PDGFRB: variants seen among roughly 807,000 people sequenced by gnomAD.
The protein encoded by PDGFRB is platelet derived growth factor receptor beta.
Under a neutral mutation model 120.2 loss-of-function variants are expected in PDGFRB, and 42 were observed. The observed-to-expected ratio is 0.35, with a 90% CI of 0.27 to 0.45. The LOEUF (loss-of-function observed/expected upper bound fraction) is 0.45, where lower values mean the gene tolerates loss of function less well. Among genes scored for constraint, PDGFRB ranks in the 20% least tolerant of loss-of-function variants. The pLI, the probability that PDGFRB is intolerant of heterozygous loss-of-function variation, is 1.00. For synonymous variants in PDGFRB, 586 were observed against 606.8 expected, an observed-to-expected ratio of 0.97 and a Z score of 0.50; for missense variants, 1,149 against 1,476.3, an observed-to-expected ratio of 0.78 and a Z score of 3.63.
chr5:150,124,601 C>A, intron 13 of PDGFRB, 126 bp downstream of exon 13: 1 of 625,940 alleles, frequency 1.6e-6, no homozygotes, highest in Non-Finnish European at 2.9e-6. Flanking sequence ...GCAGTGCCTG[C>A]TGCAGTGTGA....
rs770198508 is a variant in PDGFRB at position 150,134,705 on chromosome 5, G to A, written c.631+45C>T. 6.4e-6 allele frequency: 10 copies of A among 1,559,368 alleles called. No homozygotes were observed. The Admixed American group carries it at 1.1e-4, about 17-fold the overall frequency. ...GTAAAGGGCTATTCCTCTGTGGAGG[G>A]TTATACTTGCCTCTGCTGAGCATCA... On this transcript the variant is annotated intron_variant, in intron 4 of 22. Coordinates refer to ENST00000261799, the MANE Select transcript of PDGFRB (RefSeq NM_002609.4).
chr5:150,141,188 C>T (rs151025079), intron 1 of PDGFRB, among the ~76,000 whole-genome samples: 8 of 152,360 alleles, frequency 5.3e-5, no homozygotes, highest in Middle Eastern at 3.4e-3. Context: ...AACACATGTG[C>T]GCAGCTCCCA....
In PDGFRB at chr5:150,115,838, C is replaced by T. The variant is rs762120386; in HGVS notation, c.3246G>A (p.Pro1082=). ...PEPQLELQVE[P]EPELEQLPDS... The stretch of plus-strand genomic sequence containing the variant: ...CCGGCAACTGTTCCAGCTCTGGCTC[C>T]GGCTCCACCTGGAGCTCAAGCTGGG... The change falls in exon 23 of 23, where the codon CCG becomes CCA. Residue 1082 remains proline, a synonymous_variant. Transcript: ENST00000261799. 3.6e-5 allele frequency: 58 copies of T among 1,612,794 alleles called. No homozygotes were observed. The highest frequency in any genetic ancestry group is 2.0e-4 in the African/African-American group (15 of 74,878).
chr5:150,133,856 C>T (rs376507507), intron 5 of PDGFRB, 25 bp downstream of exon 5: 132 of 1,613,794 alleles, frequency 8.2e-5, no homozygotes, highest in African/African-American at 3.7e-4. Flanking sequence ...GCCCCTCCTC[C>T]GACCCCTGCC....
chr5:150,134,787 C>A lies in PDGFRB; in HGVS notation c.594G>T (p.Glu198Asp), dbSNP rs2113910593. Residue 198 changes from glutamate to aspartate, a missense_variant, in exon 4 of 23, where the codon GAG (glutamate) becomes GAT (aspartate). By Grantham distance (45) the Glu-to-Asp change is conservative (BLOSUM62 2). Transcript: ENST00000261799. ...YICKTTIGDR[E>D]VDSDAYYVYR... is the part of the protein sequence containing the mutation. ...AGACATAGTAGGCATCAGAATCCAC[C>A]TCCCTGTCCCCAATGGTGGTTTTGC... 6.2e-7 allele frequency: 1 copy of A among 1,614,004 alleles called. No individual in the cohort carries two copies. The highest frequency in any genetic ancestry group is 8.5e-7 in the Non-Finnish European group (1 of 1,179,920).
At chr5:150,118,618 G>T in intron 21 of PDGFRB, 129 bp downstream of exon 21, 1 of 686,402 alleles carries the variant, frequency 1.5e-6, no homozygotes, top group East Asian at 2.8e-5. Flanking sequence ...AACCAGCAGG[G>T]AAACTGAGGC....
In PDGFRB at chr5:150,121,536, C is replaced by T. The variant is rs537789033; in HGVS notation, c.2345-214G>A. ...GGCCTTTTGGCATTAGCCCTTGGGC[C>T]ACTTTTGCCCAGCCTGGCCTGCCTG... On this transcript the variant is annotated intron_variant, in intron 16 of 22. Coordinates refer to ENST00000261799, the MANE Select transcript of PDGFRB (RefSeq NM_002609.4). This position sits in a 1 kb window ranked among gnomAD's most constrained non-coding sequence, Gnocchi z 4.1. 1.3e-5 allele frequency among the ~76,000 whole-genome samples: 2 copies of T among 152,362 alleles called. No homozygotes were observed. The highest frequency in any genetic ancestry group is 2.1e-4 in the South Asian group (1 of 4,828).
At position 150,130,532 on chromosome 5, in the gene PDGFRB, T is replaced by A; in HGVS notation, c.1367+7A>T. 6.2e-7 allele frequency: 1 copy of A among 1,612,364 alleles called. No individual in the cohort carries two copies. Among genetic ancestry groups the A allele is most frequent in the South Asian group, 1.1e-5 (1 of 90,932 alleles). ...ACACTGGGAGACTGAGGCCCAGGTC[T>A]GCTCACCTTTTGAGGTCTCTGCAGG... On this transcript the variant is annotated splice_region_variant and intron_variant, in intron 9 of 22. Coordinates refer to ENST00000261799, the MANE Select transcript of PDGFRB (RefSeq NM_002609.4).
intron 1 of PDGFRB, 61 bp from the exon 2 acceptor site, chr5:150,137,114 C>T (rs1760656304): frequency 1.4e-6 from 2 of 1,399,094 alleles, no homozygotes; most frequent in African/African-American, 1.4e-5. Context: ...GGGGCTATCT[C>T]ACCACCTGGC....
At chr5:150,137,727 T>C (rs1248455443) in intron 1 of PDGFRB, among the ~76,000 whole-genome samples, 1 of 152,170 alleles carries the variant, frequency 6.6e-6, no homozygotes, top group African/African-American at 2.4e-5. Flanking sequence ...TCACAGGTCC[T>C]TGGAGACCAG....
intron 1 of PDGFRB, among the ~76,000 whole-genome samples, chr5:150,137,963 A>G (rs942260711): frequency 1.1e-4 from 16 of 142,830 alleles, no homozygotes; most frequent in African/African-American, 2.1e-4. Flanking sequence ...AAGCAAGGAC[A>G]AAGACAGAGA....
At chr5:150,138,758 C>T (rs1760703670) in intron 1 of PDGFRB, among the ~76,000 whole-genome samples, 1 of 152,240 alleles carries the variant, frequency 6.6e-6, no homozygotes, top group Admixed American at 6.5e-5. Context: ...GCCAGCAGCC[C>T]CCACAGAGGC....
rs190642915 is a variant in PDGFRB, at chr5:150,120,835, C to T, written c.2586+53G>A. 57 of 1,574,556 alleles carry T rather than the reference C, an allele frequency of 3.6e-5. No homozygotes were observed. In the African/African-American group the frequency reaches 7.0e-4, roughly 19 times the overall value. On this transcript the variant is annotated intron_variant, in intron 18 of 22. Coordinates refer to ENST00000261799, the MANE Select transcript of PDGFRB (RefSeq NM_002609.4). The surrounding 1 kb of genome is among the most constrained non-coding windows in gnomAD (Gnocchi z 4.3). ...CACACTGGTCAGGAGGGAATCTGTT[C>T]CTGCGGTCACAGGCACTGTGACTGC...
chr5:150,137,873 G>A (rs1276608721), intron 1 of PDGFRB, among the ~76,000 whole-genome samples: 2 of 152,230 alleles, frequency 1.3e-5, no homozygotes, highest in Non-Finnish European at 2.9e-5. Context: ...GACCTGGAAT[G>A]ATAGAAGTAG....
At chr5:150,116,628 G>A (rs114771467) in intron 22 of PDGFRB, among the ~76,000 whole-genome samples, 4,402 of 150,880 alleles carry the variant, frequency 0.029, 207 homozygotes, top group African/African-American at 0.097. Flanking sequence ...ATAAATAAAT[G>A]AATAAAAATA....
chr5:150,134,485 G>A (rs998639156), intron 4 of PDGFRB, among the ~76,000 whole-genome samples: 3 of 152,216 alleles, frequency 2.0e-5, no homozygotes, highest in Non-Finnish European at 4.4e-5. Flanking sequence ...GACCCAGCTG[G>A]CTCTGAAGCT....
chr5:150,129,705 GGA>G, intron 10 of PDGFRB, 50 bp downstream of exon 10: 1 of 1,465,992 alleles, frequency 6.8e-7, no homozygotes. Flanking sequence ...CAATTAGGCA[GGA>G]TTAAGGTAGG....
rs6887454 is a variant in PDGFRB at position 150,115,421 on chromosome 5, G to A, written c.*342C>T. The A allele has an allele frequency of 0.049, 12,726 of 261,484 alleles. 374 individuals carry two copies. Among genetic ancestry groups the A allele is most frequent in the Admixed American group, 0.077 (1,434 of 18,544 alleles). 16.2% of individuals were successfully genotyped at this position (261,484 alleles called of 1,614,324 possible). ...CAAGAATCTTCCCAGGGAGGGATTC[G>A]GTCTCCCCACCTGTCAGCCAGGGAG... On this transcript the variant is annotated 3_prime_UTR_variant, in exon 23 of 23. Coordinates refer to ENST00000261799, the MANE Select transcript of PDGFRB (RefSeq NM_002609.4).
At chr5:150,127,272 C>T (rs868634992) in intron 10 of PDGFRB, among the ~76,000 whole-genome samples, 5 of 152,196 alleles carry the variant, frequency 3.3e-5, no homozygotes, top group South Asian at 4.1e-4. Context: ...TCAGCCTCTT[C>T]GCTGTACAGC....
Sources: allele counts gnomAD v4.1 joint callset (sites outside exome capture counted in the v4.1 genomes callset), GRCh38; gene constraint gnomAD v4.1.1; non-coding constraint Gnocchi (gnomAD v3.1); transcripts MANE v1.5; gene names NCBI Gene and HGNC (gene_info 2026-07-23, HGNC 2026-07-21).